The following CLDN14 variants were observed in gnomAD, a reference collection of about 807,000 sequenced individuals.
The protein encoded by CLDN14 is claudin-14.
Under a neutral mutation model 2.1 loss-of-function variants are expected in CLDN14, and 2 were observed. The ratio of observed to expected loss-of-function variants is 0.96; its 90% confidence interval spans 0.39 to 3.01. The LOEUF is 3.01. Among genes scored for constraint, CLDN14 ranks in the 30% most tolerant of loss-of-function variants. The pLI, the probability that CLDN14 is intolerant of heterozygous loss-of-function variation, is 0.09. For missense variants in CLDN14, 298 were observed against 328.0 expected (o/e 0.91, Z 0.71); for synonymous variants, 136 against 154.4 (o/e 0.88, Z 0.88).
At chr21:36,550,435 A>C (rs1244940194) in intron 1 of CLDN14, among the ~76,000 whole-genome samples, 1 of 152,160 alleles carries the variant, frequency 6.6e-6, no homozygotes, top group East Asian at 1.9e-4. Context: ...TTTAGTAGCT[A>C]TATGTGGAGG....
intron 1 of CLDN14, among the ~76,000 whole-genome samples, chr21:36,529,277 T>TAA (rs201806422): frequency 6.6e-6 from 1 of 151,648 alleles, no homozygotes; most frequent in African/African-American, 2.4e-5. Flanking sequence ...CCTGTGCAGG[T>TAA]AAAAAAAACC....
intron 2 of CLDN14, chr21:36,486,729 C>G (rs181307519): frequency 7.6e-6 from 8 of 1,058,714 alleles, no homozygotes; most frequent in Admixed American, 1.8e-5. Context: ...GCCAGTTTCA[C>G]CAGATCCTTC....
intron 1 of CLDN14, among the ~76,000 whole-genome samples, chr21:36,478,815 A>G (rs1452551208): frequency 6.6e-6 from 1 of 152,112 alleles, no homozygotes; most frequent in Non-Finnish European, 1.5e-5. Context: ...TTCCTTTTCT[A>G]TTTTGCCTGG....
intron 1 of CLDN14, among the ~76,000 whole-genome samples, chr21:36,567,510 C>T (rs1176012765): frequency 1.3e-5 from 2 of 152,136 alleles, no homozygotes; most frequent in African/African-American, 2.4e-5. Flanking sequence ...AATTACAGCA[C>T]GATTACATGA....
chr21:36,555,852 A>T (rs4564869), intron 1 of CLDN14, among the ~76,000 whole-genome samples: 3,894 of 130,908 alleles, frequency 0.03, 141 homozygotes, highest in African/African-American at 0.11. Context: ...TGTGTGTGTG[A>T]GAGAGAGAGA....
At chr21:36,466,866 G>A (rs777440671) in intron 1 of CLDN14, among the ~76,000 whole-genome samples, 1 of 152,098 alleles carries the variant, frequency 6.6e-6, no homozygotes, top group Non-Finnish European at 1.5e-5. Context: ...ATAGAATGGG[G>A]GTACAGGCAT....
At chr21:36,508,435 C>T (rs774808474) in intron 2 of CLDN14, among the ~76,000 whole-genome samples, 1 of 152,168 alleles carries the variant, frequency 6.6e-6, no homozygotes, top group Non-Finnish European at 1.5e-5. Context: ...CACTGTAAGG[C>T]TGGGAGAGAT....
chr21:36,561,652 A>C (rs2087635817), intron 1 of CLDN14, among the ~76,000 whole-genome samples: 1 of 152,206 alleles, frequency 6.6e-6, no homozygotes, highest in Non-Finnish European at 1.5e-5. Context: ...ATGTTGCCCC[A>C]GTAGAAAGCA....
intron 1 of CLDN14, among the ~76,000 whole-genome samples, chr21:36,559,015 T>C (rs1400507395): frequency 6.6e-6 from 1 of 152,142 alleles, no homozygotes; most frequent in Non-Finnish European, 1.5e-5. Context: ...CTTCCTGTAC[T>C]GTGTTGAATA....
chr21:36,564,409 C>T (rs1019134307), intron 1 of CLDN14, among the ~76,000 whole-genome samples: 3 of 152,186 alleles, frequency 2.0e-5, no homozygotes, highest in Admixed American at 2.0e-4. Flanking sequence ...CCATTAACAC[C>T]TCTGATTTGG....
In CLDN14 at chr21:36,544,140, T is replaced by A. The variant is rs2087511461; in HGVS notation, c.-220+32271A>T. Among the ~76,000 whole-genome samples the A allele has an allele frequency of 1.3e-5, 2 of 152,214 alleles. No homozygotes were observed. Among genetic ancestry groups the A allele is most frequent in the African/African-American group, 4.8e-5 (2 of 41,456 alleles). On this transcript the variant is annotated intron_variant, in intron 1 of 2. Coordinates refer to the CLDN14 transcript ENST00000342108. The surrounding 1 kb of genome is among the most constrained non-coding windows in gnomAD (Gnocchi z 4.1). Reference sequence around the variant, plus strand: ...GAAGCCACACCAGCCCTTGGCTCCCTCCAACCCAGGTTTCCATTACCATGG... The same window carrying A: ...GAAGCCACACCAGCCCTTGGCTCCCACCAACCCAGGTTTCCATTACCATGG...
intron 2 of CLDN14, chr21:36,487,480 A>C (rs971942073): frequency 1.9e-5 from 3 of 154,838 alleles, no homozygotes; most frequent in Non-Finnish European, 2.9e-5. Context: ...ATAGTGCCTC[A>C]TAGTCTACTT....
intron 2 of CLDN14, among the ~76,000 whole-genome samples, chr21:36,491,625 A>G (rs921254967): frequency 1.3e-5 from 2 of 152,154 alleles, no homozygotes; most frequent in Middle Eastern, 3.2e-3. Context: ...TTTTGGAACA[A>G]GGAGGGGTAT....
At position 36,544,026 on chromosome 21, in the gene CLDN14, C is replaced by T. The variant is rs2087510550; in HGVS notation, c.-220+32385G>A. ...AGGGAAGCCTGTGTCATGGATTCAA[C>T]CGTCTGTGCTGAGCCGCACCTGCAC... On this transcript the variant is annotated intron_variant, in intron 1 of 2. Transcript: ENST00000342108. This position sits in a 1 kb window ranked among gnomAD's most constrained non-coding sequence, Gnocchi z 4.1. 6.6e-6 allele frequency among the ~76,000 whole-genome samples: 1 copy of T among 152,232 alleles called. No homozygotes were observed. Among genetic ancestry groups the T allele is most frequent in the African/African-American group, 2.4e-5 (1 of 41,456 alleles).
At chr21:36,488,991 T>C (rs1275417307) in intron 2 of CLDN14, among the ~76,000 whole-genome samples, 1 of 150,980 alleles carries the variant, frequency 6.6e-6, no homozygotes, top group African/African-American at 2.4e-5. Flanking sequence ...GCATCTGCGA[T>C]CCCAGCTACT....
intron 1 of CLDN14, among the ~76,000 whole-genome samples, chr21:36,527,285 G>A (rs1298700861): frequency 6.6e-6 from 1 of 152,106 alleles, no homozygotes; most frequent in East Asian, 1.9e-4. Context: ...GAGATTGATT[G>A]GTTTATTTGA....
At chr21:36,496,619 G>A (rs972503902) in intron 2 of CLDN14, among the ~76,000 whole-genome samples, 11 of 145,150 alleles carry the variant, frequency 7.6e-5, no homozygotes, top group East Asian at 6.2e-4. Context: ...CCCTGAGAGC[G>A]AATGCTTGCA....
intron 2 of CLDN14, among the ~76,000 whole-genome samples, chr21:36,500,412 T>TA (rs1390860305): frequency 6.6e-6 from 1 of 152,210 alleles, no homozygotes; most frequent in African/African-American, 2.4e-5. Context: ...AGGAAAGAGA[T>TA]ACATTCCATT....
chr21:36,485,969 C>A (rs7277324), intron 2 of CLDN14: 16 of 1,409,638 alleles, frequency 1.1e-5, no homozygotes, highest in African/African-American at 7.2e-5. Flanking sequence ...CTCAGCTACC[C>A]TTTCCCTCCA....
Sources: gnomAD v4.1 joint callset for allele counts (sites outside exome capture counted in the v4.1 genomes callset) on GRCh38, gnomAD v4.1.1 for gene constraint, Gnocchi (gnomAD v3.1) non-coding constraint, MANE v1.5 for transcripts, NCBI Gene and HGNC (gene_info 2026-07-23, HGNC 2026-07-21) for gene names.